Variants in CHD6 observed in about 807,000 individuals in gnomAD.
The protein encoded by CHD6 is chromodomain helicase DNA binding protein 6.
A neutral mutation model predicts 276.9 loss-of-function variants in CHD6; 50 were observed. That is an observed-to-expected ratio of 0.18 (90% CI 0.14 to 0.23). The LOEUF (loss-of-function observed/expected upper bound fraction) is 0.23, where lower values mean the gene tolerates loss of function less well. Ranked by LOEUF, CHD6 falls within the 10% of genes least tolerant of loss-of-function variation. The pLI is 1.00. For synonymous variants in CHD6, 1,173 were observed against 1,229.3 expected (o/e 0.95, Z 0.96); for missense variants, 2,564 against 3,365.8 (o/e 0.76, Z 5.89).
Position 41,493,678 on chromosome 20 carries a change from G to A in CHD6, c.1180-6C>T. The A allele has an allele frequency of 6.2e-7, 1 of 1,612,968 alleles. No individual in the cohort carries two copies. The highest frequency in any genetic ancestry group is 1.3e-5 in the African/African-American group (1 of 74,954). On this transcript the variant is annotated splice_polypyrimidine_tract_variant and splice_region_variant and intron_variant, in intron 9 of 36. Transcript: ENST00000373233. The stretch of plus-strand genomic sequence containing the variant: ...ACCAGGTAATGTGTTACCTCCTGGT[G>A]GGAAAACAGGAAAGAAACTTAATGT...
At chr20:41,566,725 C>G (rs1185368777) in intron 1 of CHD6, among the ~76,000 whole-genome samples, 6 of 152,128 alleles carry the variant, frequency 3.9e-5, no homozygotes, top group Admixed American at 3.3e-4. Flanking sequence ...GGATGTTCAC[C>G]CTTTTCCCAA....
chr20:41,498,414 C>T (rs996159812), intron 6 of CHD6, among the ~76,000 whole-genome samples, 188 bp from the exon 7 acceptor site: 2 of 152,148 alleles, frequency 1.3e-5, no homozygotes, highest in African/African-American at 4.8e-5. Context: ...TACACAGCTG[C>T]AAGGTAAAAA....
At position 41,404,965 on chromosome 20, in the gene CHD6, T is replaced by C. The variant is rs1160105613; in HGVS notation, c.7776A>G (p.Pro2592=). The change falls in exon 37 of 37, where the codon CCA becomes CCG. Residue 2592 remains proline, a synonymous_variant. Coordinates refer to ENST00000373233, the MANE Select transcript of CHD6 (RefSeq NM_032221.5). ...TLAEDKPGPG[P]FSDQSEPAIT... is the part of the protein sequence containing the mutation. ...TTGCAGGTTCAGACTGATCAGAAAA[T>C]GGACCTGGACCAGGCTTGTCCTCAG... 1.2e-6 allele frequency: 2 copies of C among 1,614,192 alleles called. No homozygotes were observed. The highest frequency in any genetic ancestry group is 2.2e-5 in the South Asian group (2 of 91,088).
intron 17 of CHD6, among the ~76,000 whole-genome samples, chr20:41,469,045 C>A (rs978246236): frequency 9.9e-5 from 15 of 152,078 alleles, no homozygotes; most frequent in African/African-American, 3.1e-4. Context: ...GTGGTGGCAG[C>A]AGAGGAAGAG....
At chr20:41,436,755 C>T (rs943364849) in intron 27 of CHD6, among the ~76,000 whole-genome samples, 7 of 152,000 alleles carry the variant, frequency 4.6e-5, no homozygotes, top group African/African-American at 1.7e-4. Context: ...AAAAGCCAAT[C>T]CCCAAAGTTT....
chr20:41,538,976 T>A (rs1342342396), intron 2 of CHD6, among the ~76,000 whole-genome samples: 2 of 152,142 alleles, frequency 1.3e-5, no homozygotes, highest in East Asian at 3.9e-4. Flanking sequence ...TACCTACGTG[T>A]CTTGCTCCAC....
At chr20:41,429,866 C>G (rs2047480406) in intron 27 of CHD6, among the ~76,000 whole-genome samples, 1 of 152,360 alleles carries the variant, frequency 6.6e-6, no homozygotes, top group African/African-American at 2.4e-5. Context: ...ACTGAGACCA[C>G]TCAGGCTTGT....
At chr20:41,490,525 A>ATACC (rs2043524538) in intron 11 of CHD6, among the ~76,000 whole-genome samples, 1 of 152,218 alleles carries the variant, frequency 6.6e-6, no homozygotes, top group African/African-American at 2.4e-5. Context: ...TAAAAGTGGT[A>ATACC]TACCTGGCCA....
At chr20:41,458,765 T>C (rs943310619) in intron 17 of CHD6, among the ~76,000 whole-genome samples, 7 of 152,102 alleles carry the variant, frequency 4.6e-5, no homozygotes, top group Non-Finnish European at 8.8e-5. Context: ...CCAGAAGTCC[T>C]AGTCTCTTTT....
chr20:41,499,217 G>T, intron 6 of CHD6, 78 bp downstream of exon 6: 1 of 1,146,660 alleles, frequency 8.7e-7, no homozygotes, highest in Non-Finnish European at 1.2e-6. Context: ...GTCATTCTAG[G>T]TTCTCTAGCC....
intron 1 of CHD6, among the ~76,000 whole-genome samples, chr20:41,594,054 G>A (rs1232662042): frequency 6.6e-6 from 1 of 151,174 alleles, no homozygotes; most frequent in Non-Finnish European, 1.5e-5. Flanking sequence ...ACCCTTATGG[G>A]ATTTTTGATG....
intron 1 of CHD6, among the ~76,000 whole-genome samples, chr20:41,554,200 T>C (rs1332760836): frequency 2.0e-5 from 3 of 151,996 alleles, no homozygotes; most frequent in Admixed American, 6.6e-5. Context: ...TAATAAAAAA[T>C]TACTTTTGTA....
chr20:41,506,330 C>T (rs1304195027), intron 5 of CHD6, among the ~76,000 whole-genome samples: 1 of 152,050 alleles, frequency 6.6e-6, no homozygotes, highest in African/African-American at 2.4e-5. Context: ...AGGGTTCCTG[C>T]CCACCCTCCC....
At chr20:41,563,361 C>T (rs2045322643) in intron 1 of CHD6, among the ~76,000 whole-genome samples, 1 of 152,160 alleles carries the variant, frequency 6.6e-6, no homozygotes, top group African/African-American at 2.4e-5. Flanking sequence ...GAAGCAGTAT[C>T]CTATGTTGCT....
chr20:41,588,721 G>C (rs959013302), intron 1 of CHD6, among the ~76,000 whole-genome samples: 1 of 151,854 alleles, frequency 6.6e-6, no homozygotes. Flanking sequence ...ACTAAACAGA[G>C]AGAGCAAGAA....
intron 27 of CHD6, among the ~76,000 whole-genome samples, chr20:41,436,604 A>C (rs567584384): frequency 6.6e-6 from 1 of 152,364 alleles, no homozygotes; most frequent in African/African-American, 2.4e-5. Context: ...AACTGGAAAC[A>C]ACCCATATGC....
chr20:41,541,556 A>G (rs1019988835), intron 2 of CHD6, among the ~76,000 whole-genome samples: 2 of 152,248 alleles, frequency 1.3e-5, no homozygotes, highest in Non-Finnish European at 2.9e-5. Flanking sequence ...AAATCCTGAC[A>G]CACACTAACG....
intron 18 of CHD6, among the ~76,000 whole-genome samples, chr20:41,456,487 CA>C (rs2048380767): frequency 6.6e-6 from 1 of 151,890 alleles, no homozygotes; most frequent in African/African-American, 2.4e-5. Flanking sequence ...AATGGGGTCC[CA>C]AACACCCTTT....
At chr20:41,524,028 A>T (rs1280065168) in intron 3 of CHD6, among the ~76,000 whole-genome samples, 2 of 152,188 alleles carry the variant, frequency 1.3e-5, no homozygotes, top group Non-Finnish European at 2.9e-5. Context: ...GATCCCAATG[A>T]CTGCCTCCAA....
Sources: gnomAD v4.1 joint callset for allele counts (sites outside exome capture counted in the v4.1 genomes callset) on GRCh38, gnomAD v4.1.1 for gene constraint, MANE v1.5 for transcripts, NCBI Gene and HGNC (gene_info 2026-07-23, HGNC 2026-07-21) for gene names.